OPRM1: variants seen among roughly 807,000 people sequenced by gnomAD.
OPRM1 encodes the protein opioid receptor mu 1, also known as mu-type opioid receptor.
In OPRM1, 27 loss-of-function variants were observed where a neutral mutation model predicts 31.8. The observed-to-expected ratio is 0.85, with a 90% CI of 0.63 to 1.17. The LOEUF is 1.17. Among genes scored for constraint, OPRM1 ranks in the 50% most tolerant of loss-of-function variants. The probability of loss-of-function intolerance (pLI) is 0.00; values close to 1 mark genes in which losing one functional copy is unlikely to be tolerated. For missense variants in OPRM1, 536 were observed against 511.1 expected, an observed-to-expected ratio of 1.05 and a Z score of -0.47; for synonymous variants, 196 against 189.9, an observed-to-expected ratio of 1.03 and a Z score of -0.26.
chr6:154,108,117 C>A, intron 3 of OPRM1: 2 of 597,376 alleles, frequency 3.3e-6, no homozygotes, highest in South Asian at 2.3e-5. Flanking sequence ...AGTGATCCGG[C>A]TTGCGGCACC....
At chr6:154,217,838 ATTG>A (rs1778537591) in intron 3 of OPRM1, among the ~76,000 whole-genome samples, 1 of 152,222 alleles carries the variant, frequency 6.6e-6, no homozygotes, top group Non-Finnish European at 1.5e-5. Context: ...AGACAAAAAA[ATTG>A]TTTTCACTTG....
intron 3 of OPRM1, among the ~76,000 whole-genome samples, chr6:154,177,942 TG>T (rs1800486322): frequency 6.6e-6 from 1 of 152,166 alleles, no homozygotes; most frequent in Non-Finnish European, 1.5e-5. Context: ...ATATACACCA[TG>T]GGATACTACG....
At chr6:154,166,246 T>C (rs181084768) in intron 3 of OPRM1, among the ~76,000 whole-genome samples, 4 of 152,294 alleles carry the variant, frequency 2.6e-5, no homozygotes, top group Admixed American at 6.5e-5. Context: ...CAGAGACCCA[T>C]AGGGAATGGT....
chr6:154,043,527 G>A (rs1309779856), intron 1 of OPRM1, among the ~76,000 whole-genome samples: 1 of 136,536 alleles, frequency 7.3e-6, no homozygotes, highest in Non-Finnish European at 1.6e-5. Flanking sequence ...GGATATATAT[G>A]TGTGTGTGTG....
At chr6:154,167,468 A>G (rs2128553525) in intron 3 of OPRM1, among the ~76,000 whole-genome samples, 1 of 152,216 alleles carries the variant, frequency 6.6e-6, no homozygotes, top group African/African-American at 2.4e-5. Flanking sequence ...AAATCAAGAC[A>G]TTTCCTTCTG....
chr6:154,152,327 G>GAA (rs1554285056), intron 3 of OPRM1, among the ~76,000 whole-genome samples: 2 of 28,684 alleles, frequency 7.0e-5, no homozygotes, highest in African/African-American at 2.8e-4. Context: ...AAGAAAGAAA[G>GAA]AAAGAAAGAA....
intron 3 of OPRM1, among the ~76,000 whole-genome samples, chr6:154,139,728 CAGAGTGAA>C (rs2128537461): frequency 6.6e-6 from 1 of 152,260 alleles, no homozygotes; most frequent in South Asian, 2.1e-4. Flanking sequence ...GAGGAGCAAT[CAGAGTGAA>C]AGACACTTAA....
intron 3 of OPRM1, chr6:154,156,646 T>TA (rs1178712991): frequency 6.6e-6 from 1 of 152,250 alleles, no homozygotes; most frequent in Admixed American, 6.5e-5. Context: ...ATCTCTTTCT[T>TA]ACGCTTCCTG....
At chr6:154,096,536 C>T (rs1342458844) in intron 3 of OPRM1, among the ~76,000 whole-genome samples, 1 of 151,924 alleles carries the variant, frequency 6.6e-6, no homozygotes, top group East Asian at 1.9e-4. Context: ...ATTATTTTTG[C>T]ACCAGGCTAG....
chr6:154,143,335 C>T (rs940370490), intron 3 of OPRM1, among the ~76,000 whole-genome samples: 1 of 152,122 alleles, frequency 6.6e-6, no homozygotes, highest in African/African-American at 2.4e-5. Context: ...CCTCAAAATG[C>T]AGCTCAAACT....
intron 3 of OPRM1, among the ~76,000 whole-genome samples, chr6:154,224,060 C>T (rs996666312): frequency 2.6e-5 from 4 of 152,186 alleles, no homozygotes; most frequent in Non-Finnish European, 4.4e-5. Context: ...CTAGATTGTT[C>T]GTCACCCATA....
At position 154,039,319 on chromosome 6, in the gene OPRM1, G is replaced by T; in HGVS notation, c.-226G>T. The T allele has an allele frequency of 6.4e-7, 1 of 1,550,682 alleles. No homozygotes were observed. The highest frequency in any genetic ancestry group is 2.4e-5 in the East Asian group (1 of 40,900). ...GGTGCGGGGCAGGTGATGAGCCTCT[G>T]TGAACTACTAAGGTGGGAGGGGGCT... On this transcript the variant is annotated 5_prime_UTR_variant, in exon 1 of 4. Coordinates refer to ENST00000330432, the MANE Select transcript of OPRM1 (RefSeq NM_000914.5).
At chr6:154,181,866 G>T (rs1800906279) in intron 3 of OPRM1, among the ~76,000 whole-genome samples, 1 of 152,126 alleles carries the variant, frequency 6.6e-6, no homozygotes, top group African/African-American at 2.4e-5. Context: ...AAAGCAGAAG[G>T]TAATAATCAT....
intron 3 of OPRM1, among the ~76,000 whole-genome samples, chr6:154,238,186 A>G (rs550229040): frequency 1.3e-5 from 2 of 152,358 alleles, no homozygotes; most frequent in East Asian, 1.9e-4. Context: ...TTTGTAAAAC[A>G]TAGAAACAAA....
In OPRM1 at chr6:154,070,144, G is replaced by C. The variant is rs77880981; in HGVS notation, c.291-19682G>C. On this transcript the variant is annotated intron_variant, in intron 1 of 3. Coordinates refer to ENST00000330432, the MANE Select transcript of OPRM1 (RefSeq NM_000914.5). ...AGAACACAGGTTCTGCTATTTGGAT[G>C]ACATGGTTCTTATTGCCTACCCTGG... 4.9e-3 allele frequency among the ~76,000 whole-genome samples: 744 copies of C among 152,342 alleles called. 8 individuals are homozygous for C. The highest frequency in any genetic ancestry group is 0.017 in the African/African-American group (721 of 41,574).
At chr6:154,155,424 G>GC in intron 3 of OPRM1, 1 of 152,318 alleles carries the variant, frequency 6.6e-6, no homozygotes, top group South Asian at 2.1e-4. Context: ...AAGAAGAAAT[G>GC]CCCCCTAAAA....
chr6:154,039,656 G>T lies in OPRM1; in HGVS notation c.112G>T (p.Asp38Tyr), dbSNP rs761993670. The change falls in exon 1 of 4, where the codon GAT (aspartate) becomes TAT (tyrosine). Residue 38 changes from aspartate (D) to tyrosine (Y), a missense_variant. Transcript: ENST00000330432. Reference sequence around the variant, plus strand: ...TTCCTGGGTCAACTTGTCCCACTTAGATGGCAACCTGTCCGACCCATGCGG... The same window carrying T: ...TTCCTGGGTCAACTTGTCCCACTTATATGGCAACCTGTCCGACCCATGCGG... ...PGSWVNLSHL[D>Y]GNLSDPCGPN... The T allele has an allele frequency of 8.7e-6, 14 of 1,613,836 alleles. No individual in the cohort carries two copies. The Admixed American group carries it at 2.3e-4, about 27-fold the overall frequency.
chr6:154,078,939 A>G (rs1788463449), intron 1 of OPRM1, among the ~76,000 whole-genome samples: 1 of 152,252 alleles, frequency 6.6e-6, no homozygotes, highest in Non-Finnish European at 1.5e-5. Flanking sequence ...CATAGGCCAT[A>G]GATTAGAAAA....
intron 3 of OPRM1, among the ~76,000 whole-genome samples, chr6:154,167,142 A>G (rs2128553237): frequency 6.6e-6 from 1 of 152,330 alleles, no homozygotes; most frequent in Non-Finnish European, 1.5e-5. Context: ...AACAAAATTC[A>G]CTTACAGAAT....
Sources: allele counts gnomAD v4.1 joint callset (sites outside exome capture counted in the v4.1 genomes callset), GRCh38; gene constraint gnomAD v4.1.1; transcripts MANE v1.5; gene names NCBI Gene and HGNC (gene_info 2026-07-23, HGNC 2026-07-21).